Variants in PHF19 observed in about 807,000 individuals in gnomAD.
PHF19 encodes the protein PHD finger protein 19, also known as polycomb like 3.
In PHF19, 21 loss-of-function variants were observed where a neutral mutation model predicts 79.8. That is an observed-to-expected ratio of 0.26 (90% CI 0.19 to 0.38). The LOEUF (loss-of-function observed/expected upper bound fraction) is 0.38. Among genes scored for constraint, PHF19 ranks in the 10% least tolerant of loss-of-function variants. The pLI is 1.00. For synonymous variants in PHF19, 273 were observed against 296.3 expected (o/e 0.92, Z 0.81); for missense variants, 445 against 744.2 (o/e 0.60, Z 4.68).
chr9:120,865,981 G>A (rs2045686610), intron 8 of PHF19, 47 bp downstream of exon 8: 2 of 1,571,434 alleles, frequency 1.3e-6, no homozygotes, highest in African/African-American at 1.4e-5. Context: ...AGGGAGGGGA[G>A]AAGCTGGGAG....
chr9:120,886,440 G>A (rs11789789), intron 1 of PHF19, among the ~76,000 whole-genome samples: 7,053 of 152,294 alleles, frequency 0.046, 207 homozygotes, highest in South Asian at 0.072. Context: ...AAAGTGGGTG[G>A]GGGGAAGCAT....
Position 120,869,918 on chromosome 9 carries a change from A to T in PHF19, c.392T>A (p.Ile131Lys). The change falls in exon 5 of 15, where the codon ATA becomes AAA. Residue 131 changes from isoleucine (I) to lysine (K), a missense_variant. Around this residue, in one of 5 missense-constraint regions of PHF19, gnomAD observed 167 missense variants for 375.8 expected, o/e 0.44. Coordinates refer to ENST00000373896, the MANE Select transcript of PHF19 (RefSeq NM_015651.3). The surrounding 1 kb of genome is among the most constrained non-coding windows in gnomAD (Gnocchi z 5.8). ...CAGGGGCTGGTCAGCACTGCCCGCT[A>T]TGGGGATGTGGCACTGCTGGTGGTA... ...LGYHQQCHIP[I>K]AGSADQPLLT... 6.3e-7 allele frequency: 1 copy of T among 1,588,780 alleles called. No homozygotes were observed. The highest frequency in any genetic ancestry group is 1.1e-5 in the South Asian group (1 of 87,536).
intron 10 of PHF19, among the ~76,000 whole-genome samples, chr9:120,863,442 G>A (rs542711628): frequency 6.6e-6 from 1 of 152,152 alleles, no homozygotes; most frequent in African/African-American, 2.4e-5. Flanking sequence ...TTGATGGAAC[G>A]AATGAGTAAA....
At chr9:120,858,428 T>C (rs2045409941) in intron 14 of PHF19, 142 bp from the exon 15 acceptor site, 1 of 592,288 alleles carries the variant, frequency 1.7e-6, no homozygotes, top group Non-Finnish European at 2.8e-6. Flanking sequence ...TCTTCTCCCA[T>C]GCTCTCTCAA....
the PHF19 span, among the ~76,000 whole-genome samples, chr9:120,902,105 G>A: frequency 6.6e-6 from 1 of 152,140 alleles, no homozygotes; most frequent in Non-Finnish European, 1.5e-5. Flanking sequence ...TCCCTGCCAC[G>A]TGCCCCCGAA....
At chr9:120,865,375 T>C (rs1010652214) in intron 9 of PHF19, among the ~76,000 whole-genome samples, 7 of 152,212 alleles carry the variant, frequency 4.6e-5, no homozygotes, top group African/African-American at 1.4e-4. Context: ...GGTGACCCAC[T>C]ATTTAGCATA....
chr9:120,876,433 G>GGGGGGGCGCCAC (rs1267613359), intron 1 of PHF19: 2 of 152,014 alleles, frequency 1.3e-5, no homozygotes. Flanking sequence ...CTGGCCGGGC[G>GGGGGGGCGCCAC]GGGGCCCCCG....
chr9:120,897,872 G>A (rs994826529), upstream of PHF19, among the ~76,000 whole-genome samples: 6 of 151,368 alleles, frequency 4.0e-5, no homozygotes, highest in Admixed American at 3.3e-4. Context: ...CCAGCTACTC[G>A]GGAGGCTGAG....
At chr9:120,883,818 G>A (rs768802700) in intron 1 of PHF19, among the ~76,000 whole-genome samples, 11 of 152,004 alleles carry the variant, frequency 7.2e-5, no homozygotes, top group Non-Finnish European at 1.5e-4. Context: ...GGTGGGGCTA[G>A]GGGGACAGAC....
intron 3 of PHF19, among the ~76,000 whole-genome samples, chr9:120,871,558 G>C (rs1372536709): frequency 6.6e-6 from 1 of 152,146 alleles, no homozygotes. Flanking sequence ...ATGGTGACTG[G>C]CTGATGTTTT....
chr9:120,862,890 C>T lies in PHF19; in HGVS notation c.969-141G>A. ...GGATGGTCTCTGCAGATGCTGACTT[C>T]CTCAAAGCCCATGGGATGCGGGGTT... On this transcript the variant is annotated intron_variant, in intron 10 of 14. Coordinates refer to ENST00000373896, the MANE Select transcript of PHF19 (RefSeq NM_015651.3). This position sits in a 1 kb window ranked among gnomAD's most constrained non-coding sequence, Gnocchi z 4.6. 1 of 747,228 alleles carries T rather than the reference C, an allele frequency of 1.3e-6. No homozygotes were observed. The highest frequency in any genetic ancestry group is 2.3e-6 in the Non-Finnish European group (1 of 443,206). 46.3% of individuals were successfully genotyped at this position (747,228 alleles called of 1,614,324 possible).
At chr9:120,896,338 C>T (rs1173064702), upstream of PHF19, among the ~76,000 whole-genome samples, 2 of 151,694 alleles carry the variant, frequency 1.3e-5, no homozygotes, top group East Asian at 1.9e-4. Flanking sequence ...TGGAGGAGAC[C>T]GAAGCTTGGA....
At chr9:120,884,754 CA>C (rs57387656) in intron 1 of PHF19, among the ~76,000 whole-genome samples, 72,454 of 126,944 alleles carry the variant, frequency 0.57, 19,404 homozygotes, top group Middle Eastern at 0.75. Context: ...CCAAAAAATA[CA>C]AAAAAAAAAA....
intron 3 of PHF19, among the ~76,000 whole-genome samples, chr9:120,871,007 A>G (rs1651534269): frequency 6.6e-6 from 1 of 152,108 alleles, no homozygotes. Flanking sequence ...GGTTCAAGCA[A>G]TTCTCCTGCC....
chr9:120,895,353 G>C (rs1353519829), upstream of PHF19, among the ~76,000 whole-genome samples: 1 of 151,900 alleles, frequency 6.6e-6, no homozygotes, highest in African/African-American at 2.4e-5. Context: ...TAGGGATGGA[G>C]AGGTGGGAGG....
Position 120,863,429 on chromosome 9 carries a change from T to C in PHF19, c.968+620A>G, listed in dbSNP as rs952919216. On this transcript the variant is annotated intron_variant, in intron 10 of 14. Transcript: ENST00000373896. ...CATAGAACAGCAACTCAATGAATAC[T>C]TGTTGATGGAACGAATGAGTAAAAA... is the stretch of plus-strand genomic sequence containing the variant. Among the ~76,000 whole-genome samples, 10 of 152,140 alleles carry C rather than the reference T, an allele frequency of 6.6e-5. No individual in the cohort carries two copies. The East Asian group carries it at 1.9e-3, about 29-fold the overall frequency.
chr9:120,865,690 C>T lies in PHF19; in HGVS notation c.900+20G>A. ...AAACCTCTCTGCCTCCTGCCACTGA[C>T]ATCCCACAACCCCACATACCTTGCC... On this transcript the variant is annotated intron_variant, in intron 9 of 14. Coordinates refer to ENST00000373896, the MANE Select transcript of PHF19 (RefSeq NM_015651.3). The T allele has an allele frequency of 1.2e-6, 2 of 1,614,006 alleles. No homozygotes were observed. Among genetic ancestry groups the T allele is most frequent in the Non-Finnish European group, 1.7e-6 (2 of 1,179,890 alleles).
At chr9:120,885,666 A>G (rs980132524) in intron 1 of PHF19, among the ~76,000 whole-genome samples, 2 of 151,910 alleles carry the variant, frequency 1.3e-5, no homozygotes, top group Non-Finnish European at 2.9e-5. Context: ...AAATCAGCAC[A>G]TGAGCCATAA....
chr9:120,868,986 C>T (rs1203832881), intron 6 of PHF19, 196 bp downstream of exon 6: 1 of 342,088 alleles, frequency 2.9e-6, no homozygotes, highest in South Asian at 1.1e-4. Context: ...CGAGTCCCGC[C>T]CCCGAGGCCC....
Sources: allele counts gnomAD v4.1 joint callset (sites outside exome capture counted in the v4.1 genomes callset), GRCh38; gene constraint gnomAD v4.1.1; regional missense constraint gnomAD v4.1.1; non-coding constraint Gnocchi (gnomAD v3.1); transcripts MANE v1.5; gene names NCBI Gene and HGNC (gene_info 2026-07-23, HGNC 2026-07-21).